The following TIAM2 variants were observed in gnomAD, a reference collection of about 807,000 sequenced individuals.
TIAM2 encodes the protein rho guanine nucleotide exchange factor TIAM2.
A neutral mutation model predicts 152.9 loss-of-function variants in TIAM2; 80 were observed. The ratio of observed to expected loss-of-function variants is 0.52; its 90% confidence interval spans 0.44 to 0.63. The LOEUF (loss-of-function observed/expected upper bound fraction) is 0.63, where lower values mean the gene tolerates loss of function less well. Ranked by LOEUF, TIAM2 falls within the 30% of genes least tolerant of loss-of-function variation. The probability of loss-of-function intolerance (pLI) is 0.00; values close to 1 mark genes in which losing one functional copy is unlikely to be tolerated. For synonymous variants in TIAM2, 804 were observed against 838.0 expected (o/e 0.96, Z 0.70); for missense variants, 1,965 against 2,120.1 (o/e 0.93, Z 1.44).
At position 155,254,543 on chromosome 6, in the gene TIAM2, A is replaced by C. The variant is rs766970490; in HGVS notation, c.4438A>C (p.Lys1480Gln). ...KTCKDRLVPL[K>Q]NRVPVSAKLA... is the part of the protein sequence containing the mutation. ...GTGTAAGGATCGCCTGGTACCTCTT[A>C]AGAACCGAGTTCCTGTTTCGGCCAA... is the stretch of plus-strand genomic sequence containing the variant. The change falls in exon 26 of 27, where the codon AAG becomes CAG. Residue 1480 changes from lysine to glutamine, a missense_variant. By Grantham distance (53) the Lys-to-Gln change is moderately conservative. This residue lies in a region of TIAM2 where 935 missense variants were observed against 980.0 expected (regional missense o/e 0.95). Coordinates refer to ENST00000682666, the MANE Select transcript of TIAM2 (RefSeq NM_012454.4). 17 of 1,613,498 alleles carry C rather than the reference A, an allele frequency of 1.1e-5. No individual in the cohort carries two copies. The highest frequency in any genetic ancestry group is 1.4e-5 in the Non-Finnish European group (16 of 1,179,534).
chr6:155,211,209 A>G lies in TIAM2; in HGVS notation c.3070A>G (p.Ser1024Gly). 6.2e-7 allele frequency: 1 copy of G among 1,612,962 alleles called. No homozygotes were observed. The highest frequency in any genetic ancestry group is 8.5e-7 in the Non-Finnish European group (1 of 1,179,182). Residue 1024 changes from serine to glycine, a missense_variant, in exon 15 of 27, where the codon AGC (serine) becomes GGC (glycine). By Grantham distance (56) the Ser-to-Gly change is moderately conservative. Coordinates refer to ENST00000682666, the MANE Select transcript of TIAM2 (RefSeq NM_012454.4). ...TTTTGTCATTTTTTATGCAGATTTC[A>G]GCAACGTCCCTGATATCACAACAGG... Reference protein sequence around the residue: ...NFKKNTANDFSNVPDITTGLK... With the variant: ...NFKKNTANDFGNVPDITTGLK...
chr6:155,160,063 A>C (rs1562336465), intron 7 of TIAM2, among the ~76,000 whole-genome samples: 1 of 152,186 alleles, frequency 6.6e-6, no homozygotes, highest in East Asian at 1.9e-4. Flanking sequence ...AAATAGGCTC[A>C]TGCAGTTATG....
intron 15 of TIAM2, among the ~76,000 whole-genome samples, chr6:155,233,452 G>A (rs1460064319): frequency 6.6e-6 from 1 of 152,128 alleles, no homozygotes; most frequent in African/African-American, 2.4e-5. Flanking sequence ...AGAGGGTCTG[G>A]GCGAGCTGCT....
chr6:155,087,813 A>G (rs1778206052), intron 1 of TIAM2, among the ~76,000 whole-genome samples: 1 of 152,160 alleles, frequency 6.6e-6, no homozygotes, highest in African/African-American at 2.4e-5. Flanking sequence ...ATGACAAAGC[A>G]AATTTAAAAG....
intron 1 of TIAM2, among the ~76,000 whole-genome samples, chr6:155,053,992 G>A (rs12055662): frequency 0.45 from 68,203 of 151,788 alleles, 15,867 homozygotes; most frequent in Middle Eastern, 0.53. Flanking sequence ...AACCAACATG[G>A]TGAATCCCTG....
chr6:155,085,486 C>A (rs1778154907), intron 1 of TIAM2, among the ~76,000 whole-genome samples: 1 of 151,962 alleles, frequency 6.6e-6, no homozygotes, highest in Non-Finnish European at 1.5e-5. Flanking sequence ...AAACTCTGGG[C>A]ACTCTGAACT....
chr6:155,088,485 A>C (rs1472212899), intron 1 of TIAM2, among the ~76,000 whole-genome samples: 1 of 152,224 alleles, frequency 6.6e-6, no homozygotes, highest in Non-Finnish European at 1.5e-5. Flanking sequence ...TGCTACTTTG[A>C]GTATGTCACA....
At chr6:155,030,134 G>A (rs977623497) in intron 1 of TIAM2, among the ~76,000 whole-genome samples, 3 of 152,046 alleles carry the variant, frequency 2.0e-5, no homozygotes, top group African/African-American at 4.8e-5. Flanking sequence ...TAAAGCAAAT[G>A]GGCTTGAAAT....
chr6:155,029,305 ATGTGTTATATATACTATATGTACTATG>A lies in TIAM2; in HGVS notation c.-209+33817_-209+33843del, dbSNP rs1394408758. Among the ~76,000 whole-genome samples, 15 of 118,934 alleles carry A rather than the reference ATGTGTTATATATACTATATGTACTATG, an allele frequency of 1.3e-4. No homozygotes were observed. The Admixed American group carries it at 1.6e-3, about 13-fold the overall frequency. The allele number at this position is 118,934 out of a possible 152,430, so 78.0% of individuals were successfully genotyped here. A position where few individuals can be genotyped will look rare whatever the true frequency, so the allele number is the denominator to read the frequency against. On this transcript the variant is annotated intron_variant, in intron 1 of 26. Coordinates refer to ENST00000682666, the MANE Select transcript of TIAM2 (RefSeq NM_012454.4). ...ATGTGTTATATATACTATATGTACTATGTGTTATATATACTATATGTACTATGTGTTATATATAATATATATACGTTA... is the reference window on the plus strand; with the variant it reads ...ATGTGTTATATATACTATATGTACTATGTTATATATAATATATATACGTTA...
chr6:155,187,573 C>CCCCTTTTTT (rs1189509294), intron 14 of TIAM2, among the ~76,000 whole-genome samples: 1 of 49,614 alleles, frequency 2.0e-5, no homozygotes, highest in African/African-American at 7.9e-5. Flanking sequence ...ACCCCGCCCC[C>CCCCTTTTTT]TTTTTTTTTT....
chr6:154,996,069 TG>T (rs200373571), intron 1 of TIAM2, among the ~76,000 whole-genome samples: 1 of 152,130 alleles, frequency 6.6e-6, no homozygotes, highest in South Asian at 2.1e-4. Flanking sequence ...GCGCGGCTCC[TG>T]GGGGGGCTGA....
At chr6:155,173,024 G>C (rs918410377) in intron 9 of TIAM2, among the ~76,000 whole-genome samples, 7 of 151,886 alleles carry the variant, frequency 4.6e-5, no homozygotes, top group African/African-American at 1.7e-4. Context: ...CCCTCCAAAT[G>C]GGCAAAGCTT....
Position 155,114,036 on chromosome 6 carries a change from A to ATATATATATATTTTTTTT in TIAM2, c.-117-13453_-117-13452insATATATATATTTTTTTTT. Among the ~76,000 whole-genome samples, 19 of 34,906 alleles carry ATATATATATATTTTTTTT rather than the reference A, an allele frequency of 5.4e-4. 1 individual carries two copies. Among genetic ancestry groups the ATATATATATATTTTTTTT allele is most frequent in the Non-Finnish European group, 6.5e-4 (13 of 20,002 alleles). The allele number at this position is 34,906 out of a possible 152,430, so 22.9% of individuals were successfully genotyped here. ...ACTTTATATATATATATATATATAT[A>ATATATATATATTTTTTTT]TTTTTTTTTTTTTCTTTTTTTTTTT... On this transcript the variant is annotated intron_variant, in intron 2 of 26. Coordinates refer to ENST00000682666, the MANE Select transcript of TIAM2 (RefSeq NM_012454.4).
intron 12 of TIAM2, among the ~76,000 whole-genome samples, chr6:155,180,221 G>T (rs1448126956): frequency 1.3e-5 from 2 of 152,204 alleles, no homozygotes; most frequent in African/African-American, 4.8e-5. Flanking sequence ...AGAGGTTGCA[G>T]TGAGCCGTAA....
chr6:155,029,628 A>ACT (rs1343683739), intron 1 of TIAM2, among the ~76,000 whole-genome samples: 3 of 120,898 alleles, frequency 2.5e-5, no homozygotes, highest in Non-Finnish European at 4.9e-5. Context: ...TATGTATATA[A>ACT]CTATATATAG....
intron 5 of TIAM2, 119 bp from the exon 6 acceptor site, chr6:155,144,486 GT>G: frequency 5.1e-6 from 5 of 980,306 alleles, no homozygotes; most frequent in Non-Finnish European, 7.1e-6. Context: ...TGTTTACCAT[GT>G]TTCTGTCACA....
intron 1 of TIAM2, among the ~76,000 whole-genome samples, chr6:155,068,433 T>A (rs1194581665): frequency 2.0e-5 from 3 of 152,012 alleles, no homozygotes; most frequent in African/African-American, 7.2e-5. Context: ...ACAGAAGTGG[T>A]TACAGTTAAT....
At chr6:155,244,250 C>A (rs562274465) in intron 17 of TIAM2, among the ~76,000 whole-genome samples, 171 bp downstream of exon 17, 7 of 152,192 alleles carry the variant, frequency 4.6e-5, no homozygotes, top group Non-Finnish European at 1.0e-4. Flanking sequence ...GCTGTGGCCT[C>A]GGCTGCATGA....
chr6:155,029,443 CTATAGTA>C lies in TIAM2; in HGVS notation c.-209+33956_-209+33962del, dbSNP rs1218461736. Reference sequence around the variant, plus strand: ...TATATATACTATAGTATATATTATACTATAGTATATATTATATATAATATATACTATA... The same window carrying C: ...TATATATACTATAGTATATATTATACTATATTATATATAATATATACTATA... On this transcript the variant is annotated intron_variant, in intron 1 of 26. Transcript: ENST00000682666. Among the ~76,000 whole-genome samples, 53 of 6,650 alleles carry C rather than the reference CTATAGTA, an allele frequency of 8.0e-3. 4 individuals carry two copies. Among genetic ancestry groups the C allele is most frequent in the South Asian group, 0.022 (3 of 134 alleles). The allele number at this position is 6,650 out of a possible 152,430, so 4.4% of individuals were successfully genotyped here. A position where few individuals can be genotyped will look rare whatever the true frequency, so the allele number is the denominator to read the frequency against.
Sources: gnomAD v4.1 joint callset for allele counts (sites outside exome capture counted in the v4.1 genomes callset) on GRCh38, gnomAD v4.1.1 for gene constraint, gnomAD v4.1.1 regional missense constraint, MANE v1.5 for transcripts, NCBI Gene and HGNC (gene_info 2026-07-23, HGNC 2026-07-21) for gene names.